The following SLC4A4 variants were observed in gnomAD, a reference collection of about 807,000 sequenced individuals.
SLC4A4 encodes the protein solute carrier family 4 member 4, also known as electrogenic sodium bicarbonate cotransporter 1.
Under a neutral mutation model 111.5 loss-of-function variants are expected in SLC4A4, and 27 were observed. The observed-to-expected ratio is 0.24, with a 90% CI of 0.18 to 0.33. The LOEUF (loss-of-function observed/expected upper bound fraction) is 0.33. Among genes scored for constraint, SLC4A4 ranks in the 10% least tolerant of loss-of-function variants. SLC4A4 has a pLI of 1.00. For missense variants in SLC4A4, 909 were observed against 1,315.5 expected (o/e 0.69, Z 4.78); for synonymous variants, 443 against 463.4 (o/e 0.96, Z 0.57).
At chr4:71,125,565 G>C (rs1368141644) in intron 2 of SLC4A4, among the ~76,000 whole-genome samples, 1 of 152,142 alleles carries the variant, frequency 6.6e-6, no homozygotes, top group Non-Finnish European at 1.5e-5. Flanking sequence ...CTCTAAAAAA[G>C]AGAATGCACC....
At chr4:71,455,030 G>A (rs771043128) in intron 12 of SLC4A4, among the ~76,000 whole-genome samples, 33 of 152,166 alleles carry the variant, frequency 2.2e-4, no homozygotes, top group Non-Finnish European at 3.7e-4. Context: ...ACAGTGGGGG[G>A]ACTGTGATGA....
At chr4:71,349,864 G>A in intron 4 of SLC4A4, 48 bp from the exon 5 acceptor site, 1 of 1,594,498 alleles carries the variant, frequency 6.3e-7, no homozygotes, top group East Asian at 2.2e-5. Flanking sequence ...TATTTCTAGA[G>A]GAAGTTAGAA....
intron 6 of SLC4A4, among the ~76,000 whole-genome samples, chr4:71,376,242 C>T (rs962719587): frequency 6.6e-6 from 1 of 151,548 alleles, no homozygotes. Context: ...CGCTCTGTCA[C>T]CCAGGCTGGA....
intron 1 of SLC4A4, among the ~76,000 whole-genome samples, chr4:71,226,770 ACCAAACATGCATGTG>A (rs1377544380): frequency 6.6e-6 from 1 of 152,060 alleles, no homozygotes; most frequent in Non-Finnish European, 1.5e-5. Flanking sequence ...TCCACTTAAT[ACCAAACATGCATGTG>A]CCCTCACTGT....
At chr4:71,195,596 C>T (rs1425633924) in intron 1 of SLC4A4, among the ~76,000 whole-genome samples, 2 of 152,178 alleles carry the variant, frequency 1.3e-5, no homozygotes, top group African/African-American at 4.8e-5. Flanking sequence ...AGAAAAATCT[C>T]ATCTGTTCTG....
At chr4:71,228,559 A>C (rs890320462) in intron 1 of SLC4A4, among the ~76,000 whole-genome samples, 1 of 152,232 alleles carries the variant, frequency 6.6e-6, no homozygotes, top group Non-Finnish European at 1.5e-5. Context: ...GAGGTTAGTT[A>C]ACTTTCTAAG....
intron 3 of SLC4A4, among the ~76,000 whole-genome samples, chr4:71,297,509 AACACACACACAC>A (rs61184918): frequency 9.1e-5 from 12 of 132,132 alleles, no homozygotes; most frequent in South Asian, 5.3e-4. Flanking sequence ...CACACAGACA[AACACACACACAC>A]ACACACACAC....
intron 14 of SLC4A4, among the ~76,000 whole-genome samples, chr4:71,481,512 C>T (rs1187216319): frequency 6.6e-6 from 1 of 151,654 alleles, no homozygotes; most frequent in Non-Finnish European, 1.5e-5. Context: ...CTCACAGCTC[C>T]CACAACTGCA....
At chr4:71,188,185 A>C (rs1745577231) in intron 1 of SLC4A4, among the ~76,000 whole-genome samples, 1 of 152,242 alleles carries the variant, frequency 6.6e-6, no homozygotes, top group Non-Finnish European at 1.5e-5. Context: ...CTACATCAGC[A>C]AACCGCAGCA....
chr4:71,423,058 G>A (rs560659754), intron 7 of SLC4A4, among the ~76,000 whole-genome samples: 96 of 152,296 alleles, frequency 6.3e-4, no homozygotes, highest in Non-Finnish European at 1.0e-3. Flanking sequence ...GTCCCTGTTT[G>A]CAGACGACAT....
At chr4:71,435,621 CA>C (rs1411681588) in intron 7 of SLC4A4, among the ~76,000 whole-genome samples, 1 of 152,060 alleles carries the variant, frequency 6.6e-6, no homozygotes, top group African/African-American at 2.4e-5. Context: ...AGTGAACAGG[CA>C]ACCTACAGAA....
chr4:71,390,497 G>A (rs1424097878), intron 6 of SLC4A4, among the ~76,000 whole-genome samples: 1 of 152,134 alleles, frequency 6.6e-6, no homozygotes, highest in South Asian at 2.1e-4. Flanking sequence ...CAGAGCTGTG[G>A]TTTGTGACAA....
At chr4:71,193,707 A>T (rs1745858834) in intron 1 of SLC4A4, among the ~76,000 whole-genome samples, 1 of 152,158 alleles carries the variant, frequency 6.6e-6, no homozygotes, top group Non-Finnish European at 1.5e-5. Flanking sequence ...ATCTTTTCAT[A>T]TGATTATTGT....
chr4:71,143,744 C>T (rs1560742222), intron 2 of SLC4A4, among the ~76,000 whole-genome samples: 1 of 152,222 alleles, frequency 6.6e-6, no homozygotes, highest in African/African-American at 2.4e-5. Flanking sequence ...TAAATGTCTT[C>T]TTTTGAGAAG....
intron 7 of SLC4A4, among the ~76,000 whole-genome samples, chr4:71,423,834 A>T (rs1015983476): frequency 1.1e-4 from 16 of 152,260 alleles, no homozygotes; most frequent in Admixed American, 9.2e-4. Flanking sequence ...TTATGCAAAA[A>T]TCAATTCAAG....
At chr4:71,088,651 C>T (rs942027475) in intron 1 of SLC4A4, among the ~76,000 whole-genome samples, 2 of 151,942 alleles carry the variant, frequency 1.3e-5, no homozygotes, top group Non-Finnish European at 2.9e-5. Context: ...TTTTATTTCT[C>T]CTTCACTTAT....
intron 3 of SLC4A4, among the ~76,000 whole-genome samples, chr4:71,331,137 T>C: frequency 6.6e-6 from 1 of 152,190 alleles, no homozygotes; most frequent in South Asian, 2.1e-4. Context: ...TTGGTGGGAC[T>C]GTAAACTGGT....
intron 2 of SLC4A4, among the ~76,000 whole-genome samples, chr4:71,119,292 G>A (rs1168671313): frequency 6.6e-6 from 1 of 152,224 alleles, no homozygotes; most frequent in Non-Finnish European, 1.5e-5. Context: ...GAAGTTAACT[G>A]TCAGCCTATT....
At chr4:71,178,199 T>C (rs1034090620) in intron 2 of SLC4A4, among the ~76,000 whole-genome samples, 8 of 151,988 alleles carry the variant, frequency 5.3e-5, no homozygotes, top group Non-Finnish European at 1.2e-4. Context: ...GGGAAATTTA[T>C]AGCACTAAAT....
Sources: allele counts gnomAD v4.1 joint callset (sites outside exome capture counted in the v4.1 genomes callset), GRCh38; gene constraint gnomAD v4.1.1; transcripts MANE v1.5; gene names NCBI Gene and HGNC (gene_info 2026-07-23, HGNC 2026-07-21).